Variants in GSE1 observed in about 807,000 individuals in gnomAD.
The protein encoded by GSE1 is Gse1 coiled-coil protein, also known as genetic suppressor element 1.
Under a neutral mutation model 112.6 loss-of-function variants are expected in GSE1, and 32 were observed. The observed-to-expected ratio is 0.28, with a 90% CI of 0.21 to 0.38. The LOEUF (loss-of-function observed/expected upper bound fraction) is 0.38, where lower values mean the gene tolerates loss of function less well. Ranked by LOEUF, GSE1 falls within the 10% of genes least tolerant of loss-of-function variation. The probability of loss-of-function intolerance (pLI) is 1.00; values close to 1 mark genes in which losing one functional copy is unlikely to be tolerated. For synonymous variants in GSE1, 1,115 were observed against 735.6 expected, an observed-to-expected ratio of 1.52 and a Z score of -8.35; for missense variants, 2,348 against 1,699.2, an observed-to-expected ratio of 1.38 and a Z score of -6.71.
chr16:85,508,602 G>A (rs2051623157), intron 2 of GSE1, among the ~76,000 whole-genome samples: 1 of 152,212 alleles, frequency 6.6e-6, no homozygotes, highest in Non-Finnish European at 1.5e-5. Flanking sequence ...TGTCAGGGCA[G>A]GGCCCGCGGC....
intron 2 of GSE1, among the ~76,000 whole-genome samples, chr16:85,507,429 C>A (rs147741939): frequency 2.0e-4 from 30 of 152,338 alleles, no homozygotes; most frequent in African/African-American, 6.3e-4. Context: ...GGCTGGGATT[C>A]CCATTTGGGA....
chr16:85,667,766 G>A (rs1158193424), intron 13 of GSE1, among the ~76,000 whole-genome samples: 4 of 152,198 alleles, frequency 2.6e-5, no homozygotes, highest in African/African-American at 7.2e-5. Flanking sequence ...GGCTGAGGCA[G>A]GAGAATTGCT....
rs567611312 is a variant in GSE1, at chr16:85,590,645, G to C, written c.37+34282G>C. On this transcript the variant is annotated intron_variant, in intron 1 of 2. Transcript: ENST00000635906. Reference sequence around the variant, plus strand: ...TGTGAATGCGTGGGCCTGTGTGTGAGCGTGTGTGATTGAGCATGTGTGATA... The same window carrying C: ...TGTGAATGCGTGGGCCTGTGTGTGACCGTGTGTGATTGAGCATGTGTGATA... 2.6e-5 allele frequency among the ~76,000 whole-genome samples: 4 copies of C among 152,262 alleles called. No individual in the cohort carries two copies. The South Asian group carries it at 8.3e-4, about 32-fold the overall frequency.
intron 2 of GSE1, among the ~76,000 whole-genome samples, chr16:85,413,222 C>T (rs972328461): frequency 2.6e-5 from 4 of 152,176 alleles, no homozygotes; most frequent in Non-Finnish European, 5.9e-5. Context: ...GTTGAGGCAG[C>T]GGGGCTGAGG....
chr16:85,675,627 TTCC>T lies in GSE1; in HGVS notation c.*3091_*3093del, dbSNP rs1567786827. On this transcript the variant is annotated 3_prime_UTR_variant, in exon 16 of 16. Transcript: ENST00000253458. ...CTGCAGTTTGTAGCAGAATGGTATT[TTCC>T]TCAAGTAGCTCATAATACTGCCAAA... is the stretch of plus-strand genomic sequence containing the variant. 2.6e-5 allele frequency: 4 copies of T among 152,212 alleles called. No homozygotes were observed. Among genetic ancestry groups the T allele is most frequent in the Non-Finnish European group, 4.4e-5 (3 of 68,032 alleles). The allele number at this position is 152,212 out of a possible 1,614,324, so 9.4% of individuals were successfully genotyped here. A position where few individuals can be genotyped will look rare whatever the true frequency, so the allele number is the denominator to read the frequency against.
At chr16:85,185,239 G>C (rs930729263) in intron 1 of GSE1, 2 of 152,284 alleles carry the variant, frequency 1.3e-5, no homozygotes, top group Non-Finnish European at 2.9e-5. Context: ...GGTTCGGAGA[G>C]GGAAAGTGAC....
chr16:85,224,294 A>G (rs1164664028), intron 1 of GSE1, among the ~76,000 whole-genome samples: 8 of 116,514 alleles, frequency 6.9e-5, no homozygotes, highest in African/African-American at 2.0e-4. Flanking sequence ...TATCTCTACT[A>G]AAAATACAAA....
At chr16:85,318,203 T>G (rs967999621) in intron 1 of GSE1, among the ~76,000 whole-genome samples, 1 of 152,142 alleles carries the variant, frequency 6.6e-6, no homozygotes, top group Non-Finnish European at 1.5e-5. Flanking sequence ...GGGCATCGCT[T>G]TGAAGTTTGG....
intron 2 of GSE1, among the ~76,000 whole-genome samples, chr16:85,646,276 C>G (rs1176274121): frequency 2.0e-5 from 3 of 152,270 alleles, no homozygotes; most frequent in Non-Finnish European, 4.4e-5. Flanking sequence ...TTCTACCATG[C>G]CCCGGGCTGT....
chr16:85,404,659 G>T (rs2048227812), intron 2 of GSE1, among the ~76,000 whole-genome samples: 1 of 48,960 alleles, frequency 2.0e-5, no homozygotes. Flanking sequence ...TTACTCTCAG[G>T]GCCCCCTGGA....
intron 2 of GSE1, among the ~76,000 whole-genome samples, chr16:85,375,764 C>T (rs965698440): frequency 2.6e-5 from 4 of 152,198 alleles, no homozygotes; most frequent in African/African-American, 4.8e-5. Flanking sequence ...GGGGCAGCTC[C>T]GTAGCCACAC....
intron 2 of GSE1, among the ~76,000 whole-genome samples, chr16:85,481,213 C>G (rs1321745616): frequency 6.6e-6 from 1 of 152,268 alleles, no homozygotes; most frequent in Non-Finnish European, 1.5e-5. Context: ...GGTGTAGCCA[C>G]TCTGTGCCTC....
chr16:85,672,567 A>G lies in GSE1; in HGVS notation c.*28A>G, dbSNP rs533606649. The G allele has an allele frequency of 4.0e-6, 6 of 1,503,218 alleles. No homozygotes were observed. Among genetic ancestry groups the G allele is most frequent in the Non-Finnish European group, 5.4e-6 (6 of 1,101,856 alleles). 93.1% of individuals were successfully genotyped at this position (1,503,218 alleles called of 1,614,324 possible). On this transcript the variant is annotated 3_prime_UTR_variant, in exon 16 of 16. Coordinates refer to ENST00000253458, the MANE Select transcript of GSE1 (RefSeq NM_014615.5). Reference sequence around the variant, plus strand: ...GTTTCCCTTGCACTAGGCCGAACCTATAGTATAGAAATATTATCTATTTTA... The same window carrying G: ...GTTTCCCTTGCACTAGGCCGAACCTGTAGTATAGAAATATTATCTATTTTA...
intron 1 of GSE1, among the ~76,000 whole-genome samples, chr16:85,245,549 C>G (rs143361766): frequency 0.01 from 1,568 of 152,308 alleles, 24 homozygotes; most frequent in African/African-American, 0.036. Flanking sequence ...AGCACTTCCC[C>G]TCTTTTCTTG....
At chr16:85,194,708 T>C (rs978768143) in intron 1 of GSE1, among the ~76,000 whole-genome samples, 1 of 152,212 alleles carries the variant, frequency 6.6e-6, no homozygotes, top group Non-Finnish European at 1.5e-5. Context: ...GTGCCTTTAA[T>C]GCACGGATGT....
At chr16:85,401,708 T>C (rs1437718758) in intron 2 of GSE1, among the ~76,000 whole-genome samples, 4 of 152,236 alleles carry the variant, frequency 2.6e-5, no homozygotes, top group Admixed American at 6.5e-5. Flanking sequence ...TGAGTGTTTA[T>C]TGAGCACCTG....
chr16:85,260,719 C>G (rs1174743284), intron 1 of GSE1, among the ~76,000 whole-genome samples: 1 of 152,244 alleles, frequency 6.6e-6, no homozygotes, highest in Non-Finnish European at 1.5e-5. Flanking sequence ...CCCGTGCTCC[C>G]TACTCCAGGG....
chr16:85,647,486 C>T (rs984774240), intron 2 of GSE1, among the ~76,000 whole-genome samples: 2 of 152,164 alleles, frequency 1.3e-5, no homozygotes, highest in African/African-American at 4.8e-5. Context: ...AGAAACTCCC[C>T]CAGGGTCACC....
At chr16:85,666,836 G>A (rs560896675) in intron 13 of GSE1, among the ~76,000 whole-genome samples, 81 of 152,334 alleles carry the variant, frequency 5.3e-4, no homozygotes, top group South Asian at 3.1e-3. Context: ...CGTGGGTTCC[G>A]CGTCTTTGGA....
Sources: gnomAD v4.1 joint callset for allele counts (sites outside exome capture counted in the v4.1 genomes callset) on GRCh38, gnomAD v4.1.1 for gene constraint, MANE v1.5 for transcripts, NCBI Gene and HGNC (gene_info 2026-07-23, HGNC 2026-07-21) for gene names.